Variants in ERCC6 observed in about 807,000 individuals in gnomAD.
ERCC6 encodes DNA excision repair protein ERCC-6.
In ERCC6, 116 loss-of-function variants were observed where a neutral mutation model predicts 158.7. The ratio of observed to expected loss-of-function variants is 0.73; its 90% CI spans 0.63 to 0.85. The LOEUF (loss-of-function observed/expected upper bound fraction) is 0.85, where lower values mean the gene tolerates loss of function less well. Among genes scored for constraint, ERCC6 ranks in the 40% least tolerant of loss-of-function variants. The pLI is 0.00. For synonymous variants in ERCC6, 678 were observed against 659.3 expected, an observed-to-expected ratio of 1.03 and a Z score of -0.43; for missense variants, 1,698 against 1,799.4, an observed-to-expected ratio of 0.94 and a Z score of 1.02.
chr10:49,506,743 G>A (rs1254081213), intron 5 of ERCC6, among the ~76,000 whole-genome samples: 1 of 151,944 alleles, frequency 6.6e-6, no homozygotes, highest in Non-Finnish European at 1.5e-5. Context: ...TGGAGAAGGT[G>A]CACCCATTTA....
Position 49,517,216 on chromosome 10 carries a change from T to C in ERCC6, c.1397+6817A>G, listed in dbSNP as rs1156799757. 27 of 1,463,618 alleles carry C rather than the reference T, an allele frequency of 1.8e-5. No individual in the cohort carries two copies. In the South Asian group the frequency reaches 2.6e-4, roughly 14 times the overall value. The allele number at this position is 1,463,618 out of a possible 1,614,324, so 90.7% of individuals were successfully genotyped here. On this transcript the variant is annotated intron_variant, in intron 5 of 20. Coordinates refer to ENST00000355832, the MANE Select transcript of ERCC6 (RefSeq NM_000124.4). The stretch of plus-strand genomic sequence containing the variant: ...TGAAAAATGTCAAACCCATAACTAA[T>C]GCAATAATAATACTTTCTGTATTTT...
chr10:49,479,031 A>G (rs997446257), intron 10 of ERCC6, among the ~76,000 whole-genome samples: 1 of 152,142 alleles, frequency 6.6e-6, no homozygotes, highest in Non-Finnish European at 1.5e-5. Flanking sequence ...CCCAGAAACG[A>G]AAGGTCACTC....
rs1437130944 is a variant in ERCC6, at chr10:49,455,633, T to C, written c.*3182A>G. The C allele has an allele frequency of 1.3e-5, 2 of 152,194 alleles. No homozygotes were observed. The highest frequency in any genetic ancestry group is 2.9e-5 in the Non-Finnish European group (2 of 68,034). The allele number at this position is 152,194 out of a possible 1,614,324, so 9.4% of individuals were successfully genotyped here. A position where few individuals can be genotyped will look rare whatever the true frequency, so the allele number is the denominator to read the frequency against. On this transcript the variant is annotated 3_prime_UTR_variant, in exon 21 of 21. Transcript: ENST00000355832. ...TTTAAACTGGTGGAGAAAAGAATAT[T>C]TGTTGATCATTGGAATAACTGCCTT... is the stretch of plus-strand genomic sequence containing the variant.
chr10:49,457,033 CTATAAG>C lies in ERCC6; in HGVS notation c.*1776_*1781del, dbSNP rs1379614263. 1 of 152,156 alleles carries C rather than the reference CTATAAG, an allele frequency of 6.6e-6. No homozygotes were observed. The highest frequency in any genetic ancestry group is 1.5e-5 in the Non-Finnish European group (1 of 68,038). 9.4% of individuals were successfully genotyped at this position (152,156 alleles called of 1,614,324 possible). A position where few individuals can be genotyped will look rare whatever the true frequency, so the allele number is the denominator to read the frequency against. ...CTCAATACAGTTTATGTTTCAGACA[CTATAAG>C]TATGATACCCAAATGCTTCATGAGT... On this transcript the variant is annotated 3_prime_UTR_variant, in exon 21 of 21. Transcript: ENST00000355832.
At chr10:49,506,317 T>C (rs561239558) in intron 5 of ERCC6, 6 of 387,208 alleles carry the variant, frequency 1.5e-5, no homozygotes, top group Non-Finnish European at 2.3e-5. Context: ...TCTCTGCTGG[T>C]TCGTAAGACA....
At chr10:49,472,546 G>A (rs1850799753) in intron 15 of ERCC6, 76 bp from the exon 16 acceptor site, 1 of 1,457,278 alleles carries the variant, frequency 6.9e-7, no homozygotes, top group Non-Finnish European at 9.6e-7. Flanking sequence ...AACAAAGCTA[G>A]CTGGTCACTA....
chr10:49,478,584 T>G, intron 10 of ERCC6, 114 bp from the exon 11 acceptor site: 93 of 737,928 alleles, frequency 1.3e-4, no homozygotes, highest in Non-Finnish European at 1.5e-4. Flanking sequence ...CCAACAGCTG[T>G]ATAAAGTCAG....
At position 49,530,834 on chromosome 10, in the gene ERCC6, A is replaced by C; in HGVS notation, c.429T>G (p.Cys143Trp). The change falls in exon 3 of 21, where the codon TGT (cysteine) becomes TGG (tryptophan). Residue 143 changes from cysteine (C) to tryptophan (W), a missense_variant. Physicochemically the swap from Cys to Trp is radical, Grantham distance 215. Transcript: ENST00000355832. ...YRSVLDDLTS[C>W]TTSLRQINKI... is the part of the protein sequence containing the mutation. ...TATTGATTTGCCTTAGGGATGTCGT[A>C]CATGACCTGAAAAATAAGATAAATT... 6.2e-7 allele frequency: 1 copy of C among 1,613,436 alleles called. No individual in the cohort carries two copies. The highest frequency in any genetic ancestry group is 2.2e-5 in the East Asian group (1 of 44,828).
chr10:49,523,578 T>C (rs951765682), intron 5 of ERCC6, among the ~76,000 whole-genome samples: 1 of 152,248 alleles, frequency 6.6e-6, no homozygotes, highest in Non-Finnish European at 1.5e-5. Flanking sequence ...ATTCTTTCTA[T>C]GCCAAAGCTT....
intron 7 of ERCC6, among the ~76,000 whole-genome samples, chr10:49,497,664 G>A (rs1011861013): frequency 1.3e-5 from 2 of 152,142 alleles, no homozygotes; most frequent in Non-Finnish European, 2.9e-5. Flanking sequence ...CAGTCACATC[G>A]TCAACTGAAC....
In ERCC6 at chr10:49,522,161, A is replaced by C. The variant is rs926171260; in HGVS notation, c.1397+1872T>G. ...ACTTTATTCTAATCATCCATCGTCA[A>C]ACCACTGCTAAGACAAGCAACCCTA... is the stretch of plus-strand genomic sequence containing the variant. On this transcript the variant is annotated intron_variant, in intron 5 of 20. Coordinates refer to ENST00000355832, the MANE Select transcript of ERCC6 (RefSeq NM_000124.4). 8.5e-5 allele frequency among the ~76,000 whole-genome samples: 13 copies of C among 152,362 alleles called. No individual in the cohort carries two copies. The South Asian group carries it at 2.7e-3, about 32-fold the overall frequency.
At chr10:49,505,845 T>C in intron 6 of ERCC6, 39 bp downstream of exon 6, 3 of 1,611,400 alleles carry the variant, frequency 1.9e-6, no homozygotes, top group Non-Finnish European at 2.5e-6. Flanking sequence ...ACATAATGGC[T>C]TGATAGCAAA....
chr10:49,466,909 C>T (rs901578709), intron 18 of ERCC6, among the ~76,000 whole-genome samples: 5 of 152,208 alleles, frequency 3.3e-5, no homozygotes, highest in African/African-American at 1.2e-4. Context: ...GCTCAGCTTC[C>T]CAAGTAGCTG....
intron 8 of ERCC6, 91 bp from the exon 9 acceptor site, chr10:49,483,607 C>T (rs1851020612): frequency 1.6e-6 from 2 of 1,283,998 alleles, no homozygotes; most frequent in Non-Finnish European, 2.2e-6. Flanking sequence ...TATAAAAATG[C>T]ACAAATACAA....
intron 10 of ERCC6, among the ~76,000 whole-genome samples, chr10:49,480,675 CCAA>C (rs1224878877): frequency 6.6e-6 from 1 of 152,168 alleles, no homozygotes; most frequent in Non-Finnish European, 1.5e-5. Context: ...TTAGATCTGG[CCAA>C]CACCACCTTA....
intron 2 of ERCC6, 61 bp from the exon 3 acceptor site, chr10:49,530,901 A>G: frequency 7.5e-6 from 12 of 1,593,790 alleles, no homozygotes; most frequent in Non-Finnish European, 1.0e-5. Flanking sequence ...GCATAATATA[A>G]AGAGAAAAAT....
At position 49,483,339 on chromosome 10, in the gene ERCC6, G is replaced by C; in HGVS notation, c.1992+7C>G. On this transcript the variant is annotated splice_region_variant and intron_variant, in intron 9 of 20. Transcript: ENST00000355832. ...TTGGAAATCTCCCTTGTTAAAAGAG[G>C]TCATACCTGTTTGCAAGCAAGGGTG... 1 of 1,613,902 alleles carries C rather than the reference G, an allele frequency of 6.2e-7. No individual in the cohort carries two copies. The highest frequency in any genetic ancestry group is 8.5e-7 in the Non-Finnish European group (1 of 1,179,826).
downstream of ERCC6, among the ~76,000 whole-genome samples, chr10:49,449,533 T>A (rs192313193): frequency 6.6e-6 from 1 of 151,614 alleles, no homozygotes; most frequent in East Asian, 1.9e-4. Context: ...TCTAAGAGTT[T>A]TATAGGTTTT....
intron 5 of ERCC6, among the ~76,000 whole-genome samples, chr10:49,510,714 CTGAA>C (rs1208278995): frequency 6.6e-5 from 10 of 152,214 alleles, no homozygotes; most frequent in African/African-American, 1.7e-4. Context: ...CCGTTAAGTG[CTGAA>C]TGAATGAATG....
Sources: allele counts gnomAD v4.1 joint callset (sites outside exome capture counted in the v4.1 genomes callset), GRCh38; gene constraint gnomAD v4.1.1; transcripts MANE v1.5; gene names NCBI Gene and HGNC (gene_info 2026-07-23, HGNC 2026-07-21).